CNTNAP2: variants seen among roughly 807,000 people sequenced by gnomAD.
CNTNAP2 encodes contactin-associated protein-like 2.
Under a neutral mutation model 155.2 loss-of-function variants are expected in CNTNAP2, and 98 were observed. The observed-to-expected ratio is 0.63, with a 90% CI of 0.54 to 0.75. The LOEUF (loss-of-function observed/expected upper bound fraction) is 0.75. CNTNAP2 is among the 30% of genes least tolerant of loss of function. The pLI is 0.00. For missense variants in CNTNAP2, 1,727 were observed against 1,688.1 expected, an observed-to-expected ratio of 1.02 and a Z score of -0.40; for synonymous variants, 651 against 631.2, an observed-to-expected ratio of 1.03 and a Z score of -0.47.
intron 1 of CNTNAP2, among the ~76,000 whole-genome samples, chr7:146,678,042 T>C (rs1386512662): frequency 2.6e-5 from 4 of 152,132 alleles, no homozygotes; most frequent in South Asian, 2.1e-4. Context: ...ATATAATTTA[T>C]ACACATATAA....
chr7:148,178,852 A>G (rs1794987790), intron 18 of CNTNAP2, among the ~76,000 whole-genome samples: 1 of 152,178 alleles, frequency 6.6e-6, no homozygotes, highest in African/African-American at 2.4e-5. Context: ...TTTTGTTTTT[A>G]CTTAATTCAT....
chr7:146,617,835 G>A (rs1036519261), intron 1 of CNTNAP2, among the ~76,000 whole-genome samples: 23 of 152,118 alleles, frequency 1.5e-4, no homozygotes, highest in African/African-American at 4.1e-4. Context: ...ATGTAAAACG[G>A]CTTAATAAAA....
chr7:146,628,656 AC>A (rs1046216838), intron 1 of CNTNAP2, among the ~76,000 whole-genome samples: 2 of 152,054 alleles, frequency 1.3e-5, no homozygotes, highest in Admixed American at 6.6e-5. Context: ...AAAACTATGA[AC>A]CCTTGAGCAC....
chr7:146,154,373 T>C (rs1043058908), intron 1 of CNTNAP2, among the ~76,000 whole-genome samples: 2 of 152,196 alleles, frequency 1.3e-5, no homozygotes, highest in Non-Finnish European at 2.9e-5. Flanking sequence ...ACAGTGTTTT[T>C]TAATATTGAT....
At chr7:147,821,153 GAGGAAT>G (rs1302354743) in intron 13 of CNTNAP2, among the ~76,000 whole-genome samples, 1 of 152,060 alleles carries the variant, frequency 6.6e-6, no homozygotes, top group Non-Finnish European at 1.5e-5. Context: ...GGAATATAAA[GAGGAAT>G]AGGAATTTTT....
intron 14 of CNTNAP2, among the ~76,000 whole-genome samples, chr7:147,913,326 C>G (rs1800100586): frequency 6.6e-6 from 1 of 152,080 alleles, no homozygotes; most frequent in Admixed American, 6.5e-5. Context: ...AATTCAGGAG[C>G]AATATGGAAG....
chr7:147,071,698 C>T (rs1004120542), intron 4 of CNTNAP2, among the ~76,000 whole-genome samples: 15 of 152,190 alleles, frequency 9.9e-5, no homozygotes, highest in South Asian at 6.2e-4. Context: ...AAAGAAGATA[C>T]GGGTAGTTAA....
At chr7:146,468,807 A>C (rs374679188) in intron 1 of CNTNAP2, among the ~76,000 whole-genome samples, 1 of 152,084 alleles carries the variant, frequency 6.6e-6, no homozygotes, top group African/African-American at 2.4e-5. Context: ...AGTTTAAAAA[A>C]CTCTGCAAAA....
At chr7:146,658,836 C>T (rs1800037083) in intron 1 of CNTNAP2, among the ~76,000 whole-genome samples, 1 of 152,140 alleles carries the variant, frequency 6.6e-6, no homozygotes, top group African/African-American at 2.4e-5. Flanking sequence ...AAACGAATGC[C>T]TCTATGGATT....
intron 1 of CNTNAP2, among the ~76,000 whole-genome samples, chr7:146,361,337 A>G (rs1795079735): frequency 6.6e-6 from 1 of 152,168 alleles, no homozygotes; most frequent in East Asian, 1.9e-4. Flanking sequence ...GGGCTTGAGT[A>G]TGTGCAGATT....
intron 13 of CNTNAP2, among the ~76,000 whole-genome samples, chr7:147,881,951 G>A (rs1043308865): frequency 3.3e-5 from 5 of 151,972 alleles, no homozygotes; most frequent in African/African-American, 1.2e-4. Flanking sequence ...CAGCCTGGGC[G>A]ACAGAATGAG....
At chr7:146,969,830 C>G (rs1436234758) in intron 3 of CNTNAP2, among the ~76,000 whole-genome samples, 1 of 152,058 alleles carries the variant, frequency 6.6e-6, no homozygotes, top group Non-Finnish European at 1.5e-5. Flanking sequence ...CTACAGTAAT[C>G]AAAACAGCAT....
At chr7:146,164,773 A>G (rs1022392070) in intron 1 of CNTNAP2, among the ~76,000 whole-genome samples, 1 of 152,028 alleles carries the variant, frequency 6.6e-6, no homozygotes, top group Non-Finnish European at 1.5e-5. Flanking sequence ...AATGCGTCAT[A>G]CATTTTAAAC....
chr7:146,136,474 G>A (rs185781806), intron 1 of CNTNAP2, among the ~76,000 whole-genome samples: 310 of 152,256 alleles, frequency 2.0e-3, no homozygotes, highest in Non-Finnish European at 2.9e-3. Flanking sequence ...TTGAGGTCGG[G>A]AAGTCAGGAC....
At chr7:146,808,657 C>G (rs1331423812) in intron 2 of CNTNAP2, among the ~76,000 whole-genome samples, 2 of 152,200 alleles carry the variant, frequency 1.3e-5, no homozygotes, top group Non-Finnish European at 2.9e-5. Context: ...ACATTAGATT[C>G]AGACTTGTTA....
At chr7:147,391,214 A>C (rs1236367414) in intron 9 of CNTNAP2, among the ~76,000 whole-genome samples, 1 of 152,180 alleles carries the variant, frequency 6.6e-6, no homozygotes, top group Non-Finnish European at 1.5e-5. Flanking sequence ...TAAGAGAGAC[A>C]AGTCACTGGT....
chr7:146,478,765 C>T (rs1042199813), intron 1 of CNTNAP2, among the ~76,000 whole-genome samples: 1 of 151,760 alleles, frequency 6.6e-6, no homozygotes, highest in African/African-American at 2.4e-5. Context: ...TAGTAGAGTC[C>T]GTGGATGATT....
At chr7:146,160,424 A>G in intron 1 of CNTNAP2, among the ~76,000 whole-genome samples, 1 of 152,188 alleles carries the variant, frequency 6.6e-6, no homozygotes. Context: ...TGAAAAGATC[A>G]ACAAAATTGA....
chr7:146,965,938 A>T (rs1366611484), intron 3 of CNTNAP2, among the ~76,000 whole-genome samples: 7 of 152,184 alleles, frequency 4.6e-5, no homozygotes, highest in Non-Finnish European at 8.8e-5. Flanking sequence ...CTAAAATATC[A>T]TTATGGTTGT....
Sources: allele counts gnomAD v4.1 joint callset (sites outside exome capture counted in the v4.1 genomes callset), GRCh38; gene constraint gnomAD v4.1.1; transcripts MANE v1.5; gene names NCBI Gene and HGNC (gene_info 2026-07-23, HGNC 2026-07-21).